The following MCM9 variants were observed in gnomAD, a reference collection of about 807,000 sequenced individuals.
The protein encoded by MCM9 is minichromosome maintenance 9 homologous recombination repair factor.
MCM9 carries 55 observed loss-of-function variants against 72.8 expected under a neutral mutation model. The ratio of observed to expected loss-of-function variants is 0.76; its 90% CI spans 0.61 to 0.95. The LOEUF is 0.95. Ranked by LOEUF, MCM9 falls within the 40% of genes least tolerant of loss-of-function variation. The probability of loss-of-function intolerance (pLI) is 0.00; values close to 1 mark genes in which losing one functional copy is unlikely to be tolerated. For missense variants in MCM9, 1,279 were observed against 1,377.0 expected (o/e 0.93, Z 1.13); for synonymous variants, 480 against 503.4 (o/e 0.95, Z 0.62).
intron 8 of MCM9, among the ~76,000 whole-genome samples, chr6:118,907,174 C>G (rs1327884326): frequency 6.6e-6 from 1 of 152,188 alleles, no homozygotes; most frequent in Admixed American, 6.5e-5. Flanking sequence ...TGAATCCCCT[C>G]AGATTCTCCG....
chr6:118,856,628 C>T, intron 8 of MCM9, 83 bp from the exon 9 acceptor site: 1 of 1,431,908 alleles, frequency 7.0e-7, no homozygotes, highest in Non-Finnish European at 9.3e-7. Context: ...CCTGTAATTC[C>T]AGCAGTTTAG....
At chr6:118,825,525 C>T (rs1229485086) in intron 13 of MCM9, among the ~76,000 whole-genome samples, 1 of 152,130 alleles carries the variant, frequency 6.6e-6, no homozygotes, top group Non-Finnish European at 1.5e-5. Flanking sequence ...AGACCAACAC[C>T]AGTAAGAGCT....
intron 13 of MCM9, among the ~76,000 whole-genome samples, chr6:118,817,935 CT>C (rs1240501519): frequency 6.6e-6 from 1 of 152,064 alleles, no homozygotes; most frequent in Non-Finnish European, 1.5e-5. Context: ...TGAATGTCTT[CT>C]TTTGGGAAGT....
intron 10 of MCM9, 39 bp downstream of exon 10, chr6:118,829,007 ATC>A: frequency 1.3e-6 from 2 of 1,528,470 alleles, no homozygotes; most frequent in African/African-American, 1.4e-5. Context: ...GTTACAGCTA[ATC>A]TCTCTGTTAT....
rs888209105 is a variant in MCM9 at position 118,871,579 on chromosome 6, C to T, written c.1151-15034G>A. Among the ~76,000 whole-genome samples, 7 of 152,154 alleles carry T rather than the reference C, an allele frequency of 4.6e-5. No individual in the cohort carries two copies. The East Asian group carries it at 9.6e-4, about 21-fold the overall frequency. Reference sequence around the variant, plus strand: ...TAAGATCACAAACAAGATAAGGGTGCCCACTCTCGTCACTCCTGTTCAACA... The same window carrying T: ...TAAGATCACAAACAAGATAAGGGTGTCCACTCTCGTCACTCCTGTTCAACA... On this transcript the variant is annotated intron_variant, in intron 8 of 13. Transcript: ENST00000619706.
chr6:118,923,601 TTTC>T (rs1399380041), intron 4 of MCM9, among the ~76,000 whole-genome samples: 1 of 152,214 alleles, frequency 6.6e-6, no homozygotes, highest in East Asian at 1.9e-4. Flanking sequence ...ATTTCACTAC[TTTC>T]TTGTCAATGT....
intron 8 of MCM9, among the ~76,000 whole-genome samples, chr6:118,874,391 A>G (rs1777807969): frequency 6.6e-6 from 1 of 152,234 alleles, no homozygotes; most frequent in Non-Finnish European, 1.5e-5. Flanking sequence ...ATTAAACAAC[A>G]ACACAAAAAA....
chr6:118,917,844 G>T, intron 5 of MCM9, 83 bp from the exon 6 acceptor site: 1 of 1,187,944 alleles, frequency 8.4e-7, no homozygotes, highest in Non-Finnish European at 1.2e-6. Flanking sequence ...CCAGAAATTA[G>T]AAATAAACCA....
chr6:118,834,298 G>T (rs1319803351), intron 9 of MCM9, among the ~76,000 whole-genome samples: 1 of 151,872 alleles, frequency 6.6e-6, no homozygotes, highest in Admixed American at 6.6e-5. Context: ...CTTTGCTATT[G>T]TGAACACTGC....
At chr6:118,817,541 A>G (rs908819901) in intron 13 of MCM9, among the ~76,000 whole-genome samples, 1 of 152,146 alleles carries the variant, frequency 6.6e-6, no homozygotes, top group African/African-American at 2.4e-5. Context: ...TGTATCATTG[A>G]TGGGCACTTG....
At chr6:118,867,879 C>CTTT (rs1554258631) in intron 8 of MCM9, among the ~76,000 whole-genome samples, 68,750 of 136,630 alleles carry the variant, frequency 0.5, 18,707 homozygotes, top group East Asian at 0.65. Context: ...TTTTCTTTTT[C>CTTT]TTTTTCTTTT....
At chr6:118,898,365 A>G (rs1175870831) in intron 8 of MCM9, among the ~76,000 whole-genome samples, 15 of 152,128 alleles carry the variant, frequency 9.9e-5, no homozygotes, top group Admixed American at 9.8e-4. Flanking sequence ...GATCAAGGGC[A>G]TTATATGTAG....
At position 118,874,453 on chromosome 6, in the gene MCM9, C is replaced by T. The variant is rs1368943490; in HGVS notation, c.1151-17908G>A. On this transcript the variant is annotated intron_variant, in intron 8 of 13. Transcript: ENST00000619706. ...CAACTTCCTCAACTTTATAAAGACT[C>T]TCTACAAAAAATCTGCAGCTAACAT... Among the ~76,000 whole-genome samples the T allele has an allele frequency of 3.3e-5, 5 of 152,234 alleles. No individual in the cohort carries two copies. In the East Asian group the frequency reaches 9.6e-4, roughly 29 times the overall value.
intron 8 of MCM9, among the ~76,000 whole-genome samples, chr6:118,862,506 G>A (rs1287325266): frequency 6.6e-6 from 1 of 152,218 alleles, no homozygotes; most frequent in East Asian, 1.9e-4. Context: ...TGGGGATGAT[G>A]GGAGACAGTG....
chr6:118,900,424 G>A (rs985429177), intron 8 of MCM9, among the ~76,000 whole-genome samples: 1 of 152,146 alleles, frequency 6.6e-6, no homozygotes, highest in Non-Finnish European at 1.5e-5. Context: ...TGTTACTGGT[G>A]TTCTTTACTG....
At chr6:118,843,658 GTATA>G (rs74206505) in intron 9 of MCM9, among the ~76,000 whole-genome samples, 1 of 21,588 alleles carries the variant, frequency 4.6e-5, no homozygotes, top group African/African-American at 1.6e-4. Context: ...ATATATATGT[GTATA>G]TATATATGTA....
In MCM9 at chr6:118,815,635, G is replaced by A. The variant is rs751103605; in HGVS notation, c.2621C>T (p.Ser874Phe). The change falls in exon 14 of 14, where the codon TCC becomes TTC. Residue 874 changes from serine (S) to phenylalanine (F), a missense_variant. Ser to Phe is a radical substitution (Grantham distance 155). Coordinates refer to ENST00000619706, the MANE Select transcript of MCM9 (RefSeq NM_017696.3). Reference sequence around the variant, plus strand: ...ATGTACAGGAGTGGACTGAGGATGGGAAGGGACTGTGCACTGTGCAGGCAC... The same window carrying A: ...ATGTACAGGAGTGGACTGAGGATGGAAAGGGACTGTGCACTGTGCAGGCAC... ...TRVPAQCTVP[S>F]HPQSTPVHSP... The A allele has an allele frequency of 3.5e-5, 55 of 1,550,382 alleles. No individual in the cohort carries two copies. In the South Asian group the frequency reaches 6.1e-4, roughly 17 times the overall value.
At chr6:118,823,413 T>C (rs1773950159) in intron 13 of MCM9, among the ~76,000 whole-genome samples, 1 of 152,166 alleles carries the variant, frequency 6.6e-6, no homozygotes, top group African/African-American at 2.4e-5. Flanking sequence ...TCACCTTCTG[T>C]GGGCTGCACC....
chr6:118,882,536 A>G (rs932189969), intron 8 of MCM9, among the ~76,000 whole-genome samples: 8 of 152,208 alleles, frequency 5.3e-5, no homozygotes, highest in African/African-American at 1.9e-4. Flanking sequence ...TCCCTGACCA[A>G]ATTTAATTGA....
Sources: allele counts gnomAD v4.1 joint callset (sites outside exome capture counted in the v4.1 genomes callset), GRCh38; gene constraint gnomAD v4.1.1; transcripts MANE v1.5; gene names NCBI Gene and HGNC (gene_info 2026-07-23, HGNC 2026-07-21).